RB1: variants seen among roughly 807,000 people sequenced by gnomAD.
The protein encoded by RB1 is retinoblastoma-associated protein.
Under a neutral mutation model 135.4 loss-of-function variants are expected in RB1, and 18 were observed. That is an observed-to-expected ratio of 0.13 (90% CI 0.09 to 0.20). The LOEUF (loss-of-function observed/expected upper bound fraction) is 0.20. Ranked by LOEUF, RB1 falls within the 10% of genes least tolerant of loss-of-function variation. The pLI is 1.00. For synonymous variants in RB1, 365 were observed against 373.2 expected (o/e 0.98, Z 0.25); for missense variants, 868 against 1,110.0 (o/e 0.78, Z 3.10).
chr13:48,422,919 T>C (rs1190363818), intron 17 of RB1: 1 of 152,162 alleles, frequency 6.6e-6, no homozygotes, highest in Non-Finnish European at 1.5e-5. Context: ...GATGAGAGGA[T>C]CACTTGAGAC....
chr13:48,307,592 T>A lies in RB1; in HGVS notation c.264+186T>A, dbSNP rs189562489. Among the ~76,000 whole-genome samples, 1,896 of 150,080 alleles carry A rather than the reference T, an allele frequency of 0.013. 32 individuals are homozygous for A. The highest frequency in any genetic ancestry group is 0.02 in the Non-Finnish European group (1,341 of 66,810). On this transcript the variant is annotated intron_variant, in intron 2 of 26. Coordinates refer to ENST00000267163, the MANE Select transcript of RB1 (RefSeq NM_000321.3). The stretch of plus-strand genomic sequence containing the variant: ...GTTTGAGGCCGGGCACGGTGGTTCA[T>A]GCCTGTAATCCTACCACTTTGGGAG...
chr13:48,443,102 T>C (rs1949253922), intron 17 of RB1, among the ~76,000 whole-genome samples: 1 of 152,000 alleles, frequency 6.6e-6, no homozygotes, highest in Admixed American at 6.6e-5. Context: ...TATAAAATTA[T>C]GTCATTGATA....
At chr13:48,363,204 G>GTTTTTTTTTTTTTTTTTTTT (rs11332935) in intron 8 of RB1, among the ~76,000 whole-genome samples, 1 of 141,750 alleles carries the variant, frequency 7.1e-6, no homozygotes, top group Non-Finnish European at 1.5e-5. Context: ...TTCAAATGTA[G>GTTTTTTTTTTTTTTTTTTTT]TTTTTTTTTT....
rs182726773 is a variant in RB1, at chr13:48,460,169, A to G, written c.2106+336A>G. ...ATTTTAGTAGAGACAGGTTTTCACC[A>G]TGTTGGCCAGGCTGGTCTCAAACTC... On this transcript the variant is annotated intron_variant, in intron 20 of 26. Coordinates refer to ENST00000267163, the MANE Select transcript of RB1 (RefSeq NM_000321.3). Among the ~76,000 whole-genome samples the G allele has an allele frequency of 5.8e-4, 88 of 151,602 alleles. 3 individuals carry two copies. In the East Asian group the frequency reaches 0.015, roughly 25 times the overall value.
chr13:48,473,495 C>T (rs1949485268), intron 24 of RB1, 105 bp downstream of exon 24: 1 of 916,124 alleles, frequency 1.1e-6, no homozygotes, highest in African/African-American at 1.6e-5. Context: ...TCAAACACCT[C>T]ATCCAGGCAT....
intron 7 of RB1, among the ~76,000 whole-genome samples, chr13:48,361,705 C>T (rs1045658364): frequency 1.3e-5 from 2 of 151,828 alleles, no homozygotes; most frequent in Non-Finnish European, 2.9e-5. Flanking sequence ...AAGATTTATA[C>T]TTTGTGTTTG....
At chr13:48,438,548 A>C (rs1949205914) in intron 17 of RB1, among the ~76,000 whole-genome samples, 1 of 150,478 alleles carries the variant, frequency 6.6e-6, no homozygotes, top group South Asian at 2.1e-4. Flanking sequence ...TTTTTTATTT[A>C]CTTATCTGTT....
chr13:48,372,764 G>C (rs752343001), intron 11 of RB1, among the ~76,000 whole-genome samples: 3 of 152,120 alleles, frequency 2.0e-5, no homozygotes, highest in Non-Finnish European at 4.4e-5. Flanking sequence ...GATCTTTTCA[G>C]CCCTAAACAT....
At position 48,309,332 on chromosome 13, in the gene RB1, G is replaced by A. The variant is rs541348969; in HGVS notation, c.264+1926G>A. Among the ~76,000 whole-genome samples the A allele has an allele frequency of 4.6e-5, 7 of 152,254 alleles. No individual in the cohort carries two copies. The East Asian group carries it at 1.3e-3, about 29-fold the overall frequency. On this transcript the variant is annotated intron_variant, in intron 2 of 26. Coordinates refer to ENST00000267163, the MANE Select transcript of RB1 (RefSeq NM_000321.3). ...TTTTACTGATCTGATTAACACAGCG[G>A]AATGTGTTTATGTATGTCCCATAAG...
At chr13:48,339,535 G>C (rs1349848159) in intron 2 of RB1, among the ~76,000 whole-genome samples, 1 of 152,200 alleles carries the variant, frequency 6.6e-6, no homozygotes, top group Non-Finnish European at 1.5e-5. Context: ...CGCAGTATTA[G>C]GGTGGGAGTG....
At chr13:48,382,800 T>A (rs1948545938) in intron 17 of RB1, among the ~76,000 whole-genome samples, 1 of 152,276 alleles carries the variant, frequency 6.6e-6, no homozygotes, top group African/African-American at 2.4e-5. Flanking sequence ...ATTGCCTAGG[T>A]TTTCTTCTAG....
chr13:48,310,385 T>C (rs1266694714), intron 2 of RB1, among the ~76,000 whole-genome samples: 1 of 152,140 alleles, frequency 6.6e-6, no homozygotes, highest in Non-Finnish European at 1.5e-5. Flanking sequence ...GAGGATGGGT[T>C]AAGAGCAAGG....
At chr13:48,386,920 C>T (rs533088026) in intron 17 of RB1, among the ~76,000 whole-genome samples, 38 of 152,230 alleles carry the variant, frequency 2.5e-4, no homozygotes, top group African/African-American at 9.1e-4. Context: ...ATTTTAAAGT[C>T]TTAAAATACG....
intron 17 of RB1, among the ~76,000 whole-genome samples, chr13:48,401,937 C>G (rs139077994): frequency 3.5e-4 from 54 of 152,148 alleles, no homozygotes; most frequent in African/African-American, 1.3e-3. Flanking sequence ...TAAGTCTGGT[C>G]ATTTTATCAT....
chr13:48,328,070 A>T, intron 2 of RB1: 1 of 827,852 alleles, frequency 1.2e-6, no homozygotes, highest in Non-Finnish European at 2.1e-6. Flanking sequence ...CCCAATTTCA[A>T]AACATCATTT....
chr13:48,432,054 A>G (rs1949135708), intron 17 of RB1, among the ~76,000 whole-genome samples: 1 of 152,178 alleles, frequency 6.6e-6, no homozygotes, highest in East Asian at 1.9e-4. Flanking sequence ...TCATATGGTG[A>G]TAAGTTCTCT....
In RB1 at chr13:48,367,508, T is replaced by C. The variant is rs2138121014; in HGVS notation, c.954T>C (p.Ser318=). 1 of 1,603,948 alleles carries C rather than the reference T, an allele frequency of 6.2e-7. No individual in the cohort carries two copies. Among genetic ancestry groups the C allele is most frequent in the Non-Finnish European group, 8.5e-7 (1 of 1,174,078 alleles). The change falls in exon 10 of 27, where the codon TCT becomes TCC. Residue 318 remains serine (S), a synonymous_variant. Transcript: ENST00000267163. ...TTTCTTTCAAGGTTGAAAATCTTTCTAAACGATACGAAGAAATTTATCTTA... is the reference window on the plus strand; with the variant it reads ...TTTCTTTCAAGGTTGAAAATCTTTCCAAACGATACGAAGAAATTTATCTTA... ...SNGLPEVENL[S]KRYEEIYLKN... is the part of the protein sequence containing the mutation.
chr13:48,353,474 C>A (rs1952566192), intron 6 of RB1, among the ~76,000 whole-genome samples: 1 of 152,010 alleles, frequency 6.6e-6, no homozygotes. Flanking sequence ...AAAGAAAAGC[C>A]TGGGACCTGA....
chr13:48,413,911 G>T (rs1390174493), intron 17 of RB1, among the ~76,000 whole-genome samples: 1 of 152,048 alleles, frequency 6.6e-6, no homozygotes, highest in Non-Finnish European at 1.5e-5. Flanking sequence ...AAAATTTTAG[G>T]TTCATAGTCT....
Sources: gnomAD v4.1 joint callset for allele counts (sites outside exome capture counted in the v4.1 genomes callset) on GRCh38, gnomAD v4.1.1 for gene constraint, MANE v1.5 for transcripts, NCBI Gene and HGNC (gene_info 2026-07-23, HGNC 2026-07-21) for gene names.